The following RAPH1 variants were observed in gnomAD, a reference collection of about 807,000 sequenced individuals.
The protein encoded by RAPH1 is ras-associated and pleckstrin homology domains-containing protein 1.
A neutral mutation model predicts 88.1 loss-of-function variants in RAPH1; 18 were observed. The ratio of observed to expected loss-of-function variants is 0.20; its 90% CI spans 0.14 to 0.30. The LOEUF is 0.30. Ranked by LOEUF, RAPH1 falls within the 10% of genes least tolerant of loss-of-function variation. The pLI, the probability that RAPH1 is intolerant of heterozygous loss-of-function variation, is 1.00. For missense variants in RAPH1, 1,448 were observed against 1,543.2 expected (o/e 0.94, Z 1.03); for synonymous variants, 587 against 559.0 (o/e 1.05, Z -0.71).
At chr2:203,489,089 G>A (rs1015786908) in intron 4 of RAPH1, among the ~76,000 whole-genome samples, 22 of 151,112 alleles carry the variant, frequency 1.5e-4, no homozygotes, top group African/African-American at 5.4e-4. Flanking sequence ...TCACGCCACT[G>A]CACTCCAGCC....
chr2:203,461,085 C>T (rs1208193534), intron 6 of RAPH1, among the ~76,000 whole-genome samples, 164 bp downstream of exon 6: 1 of 151,848 alleles, frequency 6.6e-6, no homozygotes, highest in Non-Finnish European at 1.5e-5. Flanking sequence ...CATTGCACTT[C>T]AGTCTAGGTG....
intron 8 of RAPH1, among the ~76,000 whole-genome samples, chr2:203,457,261 C>G (rs1006438208): frequency 1.3e-5 from 2 of 152,032 alleles, no homozygotes; most frequent in Non-Finnish European, 2.9e-5. Flanking sequence ...AATCTCGGCT[C>G]GCTGCAACCT....
intron 1 of RAPH1, among the ~76,000 whole-genome samples, chr2:203,500,008 T>C (rs1688671256): frequency 6.6e-6 from 1 of 152,190 alleles, no homozygotes; most frequent in African/African-American, 2.4e-5. Context: ...CAGAGCCATT[T>C]CCATGGGTCT....
At chr2:203,467,195 T>C (rs1178378524) in intron 4 of RAPH1, among the ~76,000 whole-genome samples, 1 of 152,154 alleles carries the variant, frequency 6.6e-6, no homozygotes, top group African/African-American at 2.4e-5. Flanking sequence ...AGTGTCCTTA[T>C]GTGTAAATGT....
intron 4 of RAPH1, among the ~76,000 whole-genome samples, chr2:203,464,740 A>G (rs1323146640): frequency 6.6e-6 from 1 of 152,186 alleles, no homozygotes; most frequent in East Asian, 1.9e-4. Context: ...ATATTTGCAA[A>G]AGACGTATCT....
At chr2:203,487,841 C>G (rs1208106267) in intron 4 of RAPH1, among the ~76,000 whole-genome samples, 1 of 152,126 alleles carries the variant, frequency 6.6e-6, no homozygotes, top group Admixed American at 6.5e-5. Context: ...TCCTTTTGTG[C>G]TCCACAGTAC....
At chr2:203,530,747 C>G (rs1022733939) in intron 1 of RAPH1, among the ~76,000 whole-genome samples, 1 of 151,980 alleles carries the variant, frequency 6.6e-6, no homozygotes, top group African/African-American at 2.4e-5. Context: ...CAAAAATGAG[C>G]TGGGCACGGT....
At position 203,439,940 on chromosome 2, in the gene RAPH1, G is replaced by C; in HGVS notation, c.3250C>G (p.Leu1084Val). The C allele has an allele frequency of 6.2e-7, 1 of 1,613,964 alleles. No homozygotes were observed. The highest frequency in any genetic ancestry group is 1.1e-5 in the South Asian group (1 of 91,062). ...PPPPPETELP[L>V]PPIEIPAVFS... Reference sequence around the variant, plus strand: ...ACTGCTGGAATCTCAATGGGGGGCAGAGGAAGCTCTGTTTCAGGTGGAGGG... The same window carrying C: ...ACTGCTGGAATCTCAATGGGGGGCACAGGAAGCTCTGTTTCAGGTGGAGGG... Residue 1084 changes from leucine to valine, a missense_variant, in exon 14 of 14, where the codon CTG becomes GTG. Leu to Val is a conservative substitution (Grantham distance 32). Transcript: ENST00000319170.
In RAPH1 at chr2:203,448,481, TC is replaced by T. The variant is rs2098511951; in HGVS notation, c.1512+256del. Among the ~76,000 whole-genome samples the T allele has an allele frequency of 6.6e-6, 1 of 152,162 alleles. No homozygotes were observed. Among genetic ancestry groups the T allele is most frequent in the African/African-American group, 2.4e-5 (1 of 41,442 alleles). On this transcript the variant is annotated intron_variant, in intron 11 of 13. Coordinates refer to ENST00000319170, the MANE Select transcript of RAPH1 (RefSeq NM_213589.3). This position sits in a 1 kb window ranked among gnomAD's most constrained non-coding sequence, Gnocchi z 4.1. ...TATTTAAGAATCATATAATGCATTC[TC>T]CAAAGCCAAAATAAATCACTTTGAT...
At chr2:203,450,783 G>C (rs1357648998) in intron 10 of RAPH1, among the ~76,000 whole-genome samples, 1 of 152,176 alleles carries the variant, frequency 6.6e-6, no homozygotes, top group Non-Finnish European at 1.5e-5. Context: ...GCTCGCAACT[G>C]TATCACCACG....
In RAPH1 at chr2:203,450,202, T is replaced by C. The variant is rs544650806; in HGVS notation, c.1414-1366A>G. On this transcript the variant is annotated intron_variant, in intron 10 of 13. Coordinates refer to ENST00000319170, the MANE Select transcript of RAPH1 (RefSeq NM_213589.3). The stretch of plus-strand genomic sequence containing the variant: ...CACCAACATAAGTTATGTATCTGCA[T>C]TGTTAAAGATCAATCACTCTGGTCT... Among the ~76,000 whole-genome samples, 3 of 152,260 alleles carry C rather than the reference T, an allele frequency of 2.0e-5. No homozygotes were observed. The South Asian group carries it at 6.2e-4, about 32-fold the overall frequency.
chr2:203,531,992 C>T (rs1690409454), intron 1 of RAPH1, among the ~76,000 whole-genome samples: 1 of 152,112 alleles, frequency 6.6e-6, no homozygotes, highest in Non-Finnish European at 1.5e-5. Flanking sequence ...GGAAACAACC[C>T]AAATATCCAT....
In RAPH1 at chr2:203,435,569, C is replaced by T. The variant is rs948563652; in HGVS notation, c.*3868G>A. On this transcript the variant is annotated 3_prime_UTR_variant, in exon 14 of 14. Transcript: ENST00000319170. ...CCTGCAATCTAAAGGGTTTTCTTCC[C>T]CTAGAAACAGTCACCCTCTCGTCAA... is the stretch of plus-strand genomic sequence containing the variant. The T allele has an allele frequency of 2.0e-4, 30 of 151,708 alleles. No homozygotes were observed. Among genetic ancestry groups the T allele is most frequent in the African/African-American group, 6.8e-4 (28 of 41,232 alleles). The allele number at this position is 151,708 out of a possible 1,614,324, so 9.4% of individuals were successfully genotyped here.
At chr2:203,494,024 C>T (rs1430099693) in intron 2 of RAPH1, among the ~76,000 whole-genome samples, 1 of 145,446 alleles carries the variant, frequency 6.9e-6, no homozygotes, top group African/African-American at 2.5e-5. Context: ...AAAATCCCCC[C>T]AAAATACAGT....
chr2:203,517,280 A>C (rs1230079151), intron 1 of RAPH1, among the ~76,000 whole-genome samples: 1 of 148,626 alleles, frequency 6.7e-6, no homozygotes, highest in South Asian at 2.2e-4. Flanking sequence ...TTACATAATG[A>C]TAAAGGGTCG....
intron 1 of RAPH1, among the ~76,000 whole-genome samples, chr2:203,506,006 G>A (rs920820721): frequency 1.3e-5 from 2 of 152,058 alleles, no homozygotes; most frequent in Non-Finnish European, 2.9e-5. Context: ...TAGAGAAAAC[G>A]GTCTTGAAAC....
chr2:203,485,073 G>T (rs1460191614), intron 4 of RAPH1, among the ~76,000 whole-genome samples: 1 of 152,034 alleles, frequency 6.6e-6, no homozygotes, highest in African/African-American at 2.4e-5. Context: ...TAAGTTCCAG[G>T]GCCCCTTAAA....
chr2:203,497,962 G>C (rs985522344), intron 1 of RAPH1, among the ~76,000 whole-genome samples: 1 of 152,006 alleles, frequency 6.6e-6, no homozygotes, highest in African/African-American at 2.4e-5. Context: ...TACTCAAATA[G>C]GTGCTAGTTT....
chr2:203,501,892 G>C (rs1163037673), intron 1 of RAPH1, among the ~76,000 whole-genome samples: 1 of 151,266 alleles, frequency 6.6e-6, no homozygotes, highest in African/African-American at 2.4e-5. Context: ...AACTGTGGGA[G>C]AACAGGGCTC....
Sources: allele counts gnomAD v4.1 joint callset (sites outside exome capture counted in the v4.1 genomes callset), GRCh38; gene constraint gnomAD v4.1.1; non-coding constraint Gnocchi (gnomAD v3.1); transcripts MANE v1.5; gene names NCBI Gene and HGNC (gene_info 2026-07-23, HGNC 2026-07-21).